The following LCA5L variants were observed in gnomAD, a reference collection of about 807,000 sequenced individuals.
The protein encoded by LCA5L is lebercilin LCA5 like, also known as lebercilin-like protein.
In LCA5L, 35 loss-of-function variants were observed where a neutral mutation model predicts 45.4. That is an observed-to-expected ratio of 0.77 (90% CI 0.59 to 1.02). The LOEUF (loss-of-function observed/expected upper bound fraction) is 1.02. Ranked by LOEUF, LCA5L falls within the 50% of genes least tolerant of loss-of-function variation. The probability of loss-of-function intolerance (pLI) is 0.00; values close to 1 mark genes in which losing one functional copy is unlikely to be tolerated. For missense variants in LCA5L, 668 were observed against 761.6 expected (o/e 0.88, Z 1.45); for synonymous variants, 233 against 264.7 (o/e 0.88, Z 1.16).
At chr21:39,420,684 C>T (rs1601814729) in intron 7 of LCA5L, 22 bp downstream of exon 7, 3 of 1,592,876 alleles carry the variant, frequency 1.9e-6, no homozygotes, top group East Asian at 4.5e-5. Context: ...TTCATTCTTA[C>T]ATTTTGTTTT....
chr21:39,442,920 G>C (rs948815723), intron 2 of LCA5L, among the ~76,000 whole-genome samples: 2 of 152,158 alleles, frequency 1.3e-5, no homozygotes, highest in African/African-American at 4.8e-5. Context: ...AATAAAATGG[G>C]AACAGATGCC....
chr21:39,412,321 A>G (rs143121614), intron 7 of LCA5L, among the ~76,000 whole-genome samples: 1,864 of 152,112 alleles, frequency 0.012, 37 homozygotes, highest in African/African-American at 0.042. Context: ...GCCGGGGGGG[A>G]AGCCTAGAAC....
chr21:39,405,904 C>T lies in LCA5L; in HGVS notation c.1991G>A (p.Gly664Glu), dbSNP rs780349892. 1 of 1,583,342 alleles carries T rather than the reference C, an allele frequency of 6.3e-7. No individual in the cohort carries two copies. The highest frequency in any genetic ancestry group is 8.6e-7 in the Non-Finnish European group (1 of 1,161,796). ...NSIKPSSPTEGKRKIII is the reference protein window; with the variant it reads ...NSIKPSSPTEEKRKIII ...TATTTAAATAATTATTTTTCTTTTT[C>T]CTTCTGTAGGTGACGATGGCTTAAT... The change falls in exon 11 of 11, where the codon GGA (glycine) becomes GAA (glutamate). Residue 664 changes from glycine to glutamate, a missense_variant. Physicochemically the swap from Gly to Glu is moderately conservative, Grantham distance 98 (BLOSUM62 -2). Coordinates refer to ENST00000288350, the MANE Select transcript of LCA5L (RefSeq NM_152505.4).
intron 8 of LCA5L, among the ~76,000 whole-genome samples, chr21:39,410,570 G>A (rs1003560716): frequency 6.6e-6 from 1 of 152,136 alleles, no homozygotes; most frequent in Non-Finnish European, 1.5e-5. Context: ...GCCTCACAGT[G>A]TTTGAGTATA....
intron 7 of LCA5L, among the ~76,000 whole-genome samples, chr21:39,413,142 T>C (rs2040407693): frequency 6.6e-6 from 1 of 152,144 alleles, no homozygotes; most frequent in Non-Finnish European, 1.5e-5. Flanking sequence ...GACAGGGTCC[T>C]GGGAATTTGA....
intron 2 of LCA5L, among the ~76,000 whole-genome samples, chr21:39,440,828 G>T (rs1466318078): frequency 6.6e-6 from 1 of 152,068 alleles, no homozygotes; most frequent in Non-Finnish European, 1.5e-5. Context: ...TGAATGAAAG[G>T]CTTAAACTCT....
Position 39,409,943 on chromosome 21 carries a change from AATCAG to A in LCA5L, c.1282+31_1282+35del, listed in dbSNP as rs1327762774. 2 of 1,197,690 alleles carry A rather than the reference AATCAG, an allele frequency of 1.7e-6. No individual in the cohort carries two copies. The allele number at this position is 1,197,690 out of a possible 1,614,324, so 74.2% of individuals were successfully genotyped here. A position where few individuals can be genotyped will look rare whatever the true frequency, so the allele number is the denominator to read the frequency against. On this transcript the variant is annotated intron_variant, in intron 10 of 10. Coordinates refer to ENST00000288350, the MANE Select transcript of LCA5L (RefSeq NM_152505.4). This position sits in a 1 kb window ranked among gnomAD's most constrained non-coding sequence, Gnocchi z 4.2. The stretch of plus-strand genomic sequence containing the variant: ...ATATAGTAATTCACAATTTTAAAGA[AATCAG>A]ATAAGATAGACTTTAAAGAGTTAAA...
chr21:39,444,001 G>C (rs1216832365), intron 2 of LCA5L, 134 bp downstream of exon 2: 1 of 151,314 alleles, frequency 6.6e-6, no homozygotes, highest in East Asian at 1.9e-4. Flanking sequence ...CTGCACTCCA[G>C]CCTGGCCGAC....
Position 39,411,701 on chromosome 21 carries a change from A to C in LCA5L, c.1060+17T>G. ...ATACTTAAAAATAGATTTTGAGCAA[A>C]AGTAATTAAAACATACCTTTTGGAT... On this transcript the variant is annotated intron_variant, in intron 8 of 10. Coordinates refer to ENST00000288350, the MANE Select transcript of LCA5L (RefSeq NM_152505.4). 1 of 1,282,960 alleles carries C rather than the reference A, an allele frequency of 7.8e-7. No individual in the cohort carries two copies. Among genetic ancestry groups the C allele is most frequent in the Non-Finnish European group, 1.1e-6 (1 of 920,764 alleles). The allele number at this position is 1,282,960 out of a possible 1,614,324, so 79.5% of individuals were successfully genotyped here.
At chr21:39,431,119 A>G (rs1336410204) in intron 3 of LCA5L, among the ~76,000 whole-genome samples, 1 of 152,210 alleles carries the variant, frequency 6.6e-6, no homozygotes, top group African/African-American at 2.4e-5. Context: ...ACCAGATTAA[A>G]ATGTCCCCTA....
intron 7 of LCA5L, among the ~76,000 whole-genome samples, chr21:39,418,842 G>C (rs2041769106): frequency 6.6e-6 from 1 of 152,074 alleles, no homozygotes; most frequent in African/African-American, 2.4e-5. Context: ...ATATTCATAT[G>C]TCTGCATGAG....
At chr21:39,439,559 G>A (rs28390304) in intron 2 of LCA5L, 1 of 152,184 alleles carries the variant, frequency 6.6e-6, no homozygotes, top group South Asian at 2.1e-4. Context: ...ACGTTTTGGG[G>A]AAATATCTTA....
chr21:39,413,673 A>G (rs1393014813), intron 7 of LCA5L, among the ~76,000 whole-genome samples: 1 of 152,234 alleles, frequency 6.6e-6, no homozygotes, highest in East Asian at 1.9e-4. Flanking sequence ...AAAGAACAGT[A>G]AATGCTGACA....
chr21:39,418,769 G>C (rs764820792), intron 7 of LCA5L, among the ~76,000 whole-genome samples: 7 of 152,116 alleles, frequency 4.6e-5, no homozygotes, highest in Non-Finnish European at 1.0e-4. Flanking sequence ...CAAAGTGCTG[G>C]GATTACAGGT....
At chr21:39,426,259 T>C (rs2074685662) in intron 5 of LCA5L, among the ~76,000 whole-genome samples, 1 of 152,174 alleles carries the variant, frequency 6.6e-6, no homozygotes, top group Non-Finnish European at 1.5e-5. Context: ...AAATTCATAC[T>C]GTATCCATCA....
Position 39,423,447 on chromosome 21 carries a change from T to C in LCA5L, c.366A>G (p.Ala122=), listed in dbSNP as rs1569101081. The C allele has an allele frequency of 1.3e-6, 2 of 1,587,824 alleles. No homozygotes were observed. The highest frequency in any genetic ancestry group is 1.7e-6 in the Non-Finnish European group (2 of 1,171,300). Residue 122 remains alanine, a synonymous_variant, in exon 6 of 11, where the codon GCA becomes GCG. Coordinates refer to ENST00000288350, the MANE Select transcript of LCA5L (RefSeq NM_152505.4). ...ISVEKKHTWN[A]SLFNSQIHMI... ...TATGGATTTGAGAATTAAAGAGTGA[T>C]GCATTCCAGGTGTGCTTTTTTTCAA...
intron 7 of LCA5L, among the ~76,000 whole-genome samples, chr21:39,412,578 A>G (rs2040283253): frequency 6.6e-6 from 1 of 151,820 alleles, no homozygotes; most frequent in African/African-American, 2.4e-5. Context: ...CAGGGATGTC[A>G]GAGTGTGACA....
At chr21:39,408,079 C>T (rs2039418033) in intron 10 of LCA5L, among the ~76,000 whole-genome samples, 1 of 152,232 alleles carries the variant, frequency 6.6e-6, no homozygotes, top group Non-Finnish European at 1.5e-5. Context: ...CTCTGGGACT[C>T]ATTCATCATG....
intron 4 of LCA5L, 22 bp from the exon 5 acceptor site, chr21:39,428,525 C>A (rs1487463773): frequency 2.3e-6 from 3 of 1,281,470 alleles, no homozygotes; most frequent in South Asian, 1.9e-5. Context: ...AAAGTAAAAC[C>A]TAATAAAAGT....
Sources: gnomAD v4.1 joint callset for allele counts (sites outside exome capture counted in the v4.1 genomes callset) on GRCh38, gnomAD v4.1.1 for gene constraint, Gnocchi (gnomAD v3.1) non-coding constraint, MANE v1.5 for transcripts, NCBI Gene and HGNC (gene_info 2026-07-23, HGNC 2026-07-21) for gene names.